The following SAMSN1 variants were observed in gnomAD, a reference collection of about 807,000 sequenced individuals.
SAMSN1 encodes the protein SAM domain, SH3 domain and nuclear localization signals 1.
SAMSN1 carries 31 observed loss-of-function variants against 42.0 expected under a neutral mutation model. The observed-to-expected ratio is 0.74, with a 90% CI of 0.55 to 1.00. The LOEUF is 1.00. SAMSN1 is among the 50% of genes least tolerant of loss of function. The pLI, the probability that SAMSN1 is intolerant of heterozygous loss-of-function variation, is 0.00. For synonymous variants in SAMSN1, 178 were observed against 151.9 expected (o/e 1.17, Z -1.26); for missense variants, 464 against 439.4 (o/e 1.06, Z -0.50).
At chr21:14,586,085 A>T (rs1410807850), upstream of SAMSN1, among the ~76,000 whole-genome samples, 1 of 151,872 alleles carries the variant, frequency 6.6e-6, no homozygotes, top group Admixed American at 6.6e-5. Context: ...CAACATGGTG[A>T]AACCCTGTTT....
At chr21:14,599,892 T>A (rs1479812142) in intron 6 of SAMSN1, among the ~76,000 whole-genome samples, 1 of 152,212 alleles carries the variant, frequency 6.6e-6, no homozygotes, top group Non-Finnish European at 1.5e-5. Context: ...TTATTTTGTG[T>A]TGTATTATTG....
At position 14,546,292 on chromosome 21, in the gene SAMSN1, C is replaced by G. The variant is rs1164408040; in HGVS notation, c.-31G>C. The G allele has an allele frequency of 6.2e-7, 1 of 1,611,864 alleles. No individual in the cohort carries two copies. The highest frequency in any genetic ancestry group is 8.5e-7 in the Non-Finnish European group (1 of 1,179,024). The stretch of plus-strand genomic sequence containing the variant: ...ATTCTGACTACTCCTAGTGAGTGCA[C>G]TTTCTGCTGTTACAGAAACAACTGA... On this transcript the variant is annotated 5_prime_UTR_variant, in exon 1 of 8. Coordinates refer to ENST00000400566, the MANE Select transcript of SAMSN1 (RefSeq NM_022136.5).
intron 3 of SAMSN1, among the ~76,000 whole-genome samples, chr21:14,515,927 T>C (rs917292511): frequency 1.3e-5 from 2 of 152,168 alleles, no homozygotes; most frequent in African/African-American, 4.8e-5. Context: ...AAACGTAAAG[T>C]ACAACCAAAT....
At chr21:14,624,717 A>C (rs1388871731) in intron 2 of SAMSN1, among the ~76,000 whole-genome samples, 1 of 152,210 alleles carries the variant, frequency 6.6e-6, no homozygotes, top group Non-Finnish European at 1.5e-5. Context: ...AGCTGGTACC[A>C]TTCCTTCTGA....
In SAMSN1 at chr21:14,646,909, T is replaced by C. The variant is rs1018155878; in HGVS notation, c.25-3776A>G. 2.0e-5 allele frequency among the ~76,000 whole-genome samples: 3 copies of C among 152,128 alleles called. No homozygotes were observed. The East Asian group carries it at 5.8e-4, about 29-fold the overall frequency. On this transcript the variant is annotated intron_variant, in intron 1 of 15. Transcript: ENST00000647101. ...CATGGTAAACTCAAACCAAAAAACATACAATGAATATACAAGAATTAAAAA... is the reference window on the plus strand; with the variant it reads ...CATGGTAAACTCAAACCAAAAAACACACAATGAATATACAAGAATTAAAAA...
intron 1 of SAMSN1, among the ~76,000 whole-genome samples, chr21:14,647,131 T>C (rs55773712): frequency 0.014 from 2,135 of 152,258 alleles, 40 homozygotes; most frequent in African/African-American, 0.048. Flanking sequence ...ACTGGCTGCA[T>C]GAATGAAAAA....
chr21:14,635,874 C>T (rs1983455386), intron 2 of SAMSN1, among the ~76,000 whole-genome samples: 1 of 151,800 alleles, frequency 6.6e-6, no homozygotes, highest in Non-Finnish European at 1.5e-5. Flanking sequence ...ATGTGCACAA[C>T]GTTGTATACA....
chr21:14,651,963 TA>T (rs1983844213), intron 1 of SAMSN1, among the ~76,000 whole-genome samples: 1 of 152,038 alleles, frequency 6.6e-6, no homozygotes. Flanking sequence ...AAGATCTCTA[TA>T]ATAAAAGCTA....
intron 2 of SAMSN1, among the ~76,000 whole-genome samples, chr21:14,622,309 T>C (rs1983035138): frequency 6.6e-6 from 1 of 152,062 alleles, no homozygotes; most frequent in South Asian, 2.1e-4. Context: ...AGGCTTCAGA[T>C]GATCAAACTT....
At chr21:14,601,823 A>G (rs775441967) in intron 6 of SAMSN1, among the ~76,000 whole-genome samples, 5 of 152,214 alleles carry the variant, frequency 3.3e-5, no homozygotes, top group Non-Finnish European at 5.9e-5. Flanking sequence ...ATAGTTTATT[A>G]TCTTATCATC....
chr21:14,522,974 T>G (rs1978589500), intron 1 of SAMSN1, among the ~76,000 whole-genome samples: 1 of 152,092 alleles, frequency 6.6e-6, no homozygotes. Context: ...ATGCACTTCT[T>G]TGGGATGTGG....
At chr21:14,647,878 G>T (rs1983749036) in intron 1 of SAMSN1, among the ~76,000 whole-genome samples, 1 of 151,252 alleles carries the variant, frequency 6.6e-6, no homozygotes, top group South Asian at 2.1e-4. Context: ...AGCTTAAGGA[G>T]ATTTTGGGCT....
At chr21:14,614,693 CA>C (rs1350807150) in intron 3 of SAMSN1, among the ~76,000 whole-genome samples, 4 of 151,980 alleles carry the variant, frequency 2.6e-5, no homozygotes, top group Non-Finnish European at 4.4e-5. Flanking sequence ...ATTTTTAATG[CA>C]AAATGCTTAG....
At chr21:14,542,154 C>G (rs143592225) in intron 1 of SAMSN1, among the ~76,000 whole-genome samples, 1 of 152,204 alleles carries the variant, frequency 6.6e-6, no homozygotes. Context: ...AACTTACAGA[C>G]GCTCTTACAG....
chr21:14,582,615 A>G, intron 1 of SAMSN1: 1 of 431,060 alleles, frequency 2.3e-6, no homozygotes, highest in Non-Finnish European at 4.1e-6. Flanking sequence ...TCAATTTTAT[A>G]AAATTATTTA....
intron 1 of SAMSN1, among the ~76,000 whole-genome samples, chr21:14,646,868 T>C (rs978626454): frequency 6.6e-6 from 1 of 152,126 alleles, no homozygotes; most frequent in African/African-American, 2.4e-5. Context: ...TAATGAGTCA[T>C]AATATTTGCA....
At chr21:14,610,907 T>G (rs577226295) in intron 4 of SAMSN1, among the ~76,000 whole-genome samples, 1 of 152,296 alleles carries the variant, frequency 6.6e-6, no homozygotes, top group South Asian at 2.1e-4. Context: ...TTCTTTGTAG[T>G]TTTCTTGAAT....
chr21:14,525,608 G>A (rs2822732), intron 1 of SAMSN1, among the ~76,000 whole-genome samples: 49,459 of 152,008 alleles, frequency 0.33, 8,624 homozygotes, highest in Admixed American at 0.47. Flanking sequence ...TTGATGTTAA[G>A]GAAGTAATGT....
At chr21:14,532,736 TAC>T (rs1458116706) in intron 1 of SAMSN1, among the ~76,000 whole-genome samples, 2 of 152,230 alleles carry the variant, frequency 1.3e-5, no homozygotes, top group South Asian at 2.1e-4. Flanking sequence ...GATAATTAAA[TAC>T]AGTGAGATAG....
Sources: allele counts gnomAD v4.1 joint callset (sites outside exome capture counted in the v4.1 genomes callset), GRCh38; gene constraint gnomAD v4.1.1; transcripts MANE v1.5; gene names NCBI Gene and HGNC (gene_info 2026-07-23, HGNC 2026-07-21).